The following TNS1 variants were observed in gnomAD, a reference collection of about 807,000 sequenced individuals.
TNS1 encodes tensin-1.
Under a neutral mutation model 168.6 loss-of-function variants are expected in TNS1, and 62 were observed. That is an observed-to-expected ratio of 0.37 (90% CI 0.30 to 0.45). TNS1 has a LOEUF of 0.45. Ranked by LOEUF, TNS1 falls within the 20% of genes least tolerant of loss-of-function variation. TNS1 has a pLI of 1.00. For synonymous variants in TNS1, 934 were observed against 933.2 expected (o/e 1.00, Z -0.02); for missense variants, 2,240 against 2,339.4 (o/e 0.96, Z 0.88).
chr2:218,020,325 C>A (rs1248698810), intron 1 of TNS1, among the ~76,000 whole-genome samples: 1 of 152,052 alleles, frequency 6.6e-6, no homozygotes, highest in African/African-American at 2.4e-5. Context: ...AAGGAAAGGG[C>A]CAACTCCTGG....
At chr2:217,980,833 G>A (rs1414132310) in intron 2 of TNS1, among the ~76,000 whole-genome samples, 1 of 152,032 alleles carries the variant, frequency 6.6e-6, no homozygotes, top group Non-Finnish European at 1.5e-5. Flanking sequence ...CTTGGCACTT[G>A]CTGTGTCAGC....
chr2:217,909,031 C>A (rs1189743880), intron 4 of TNS1, among the ~76,000 whole-genome samples: 2 of 152,022 alleles, frequency 1.3e-5, no homozygotes, highest in East Asian at 3.9e-4. Flanking sequence ...CTTATTAGGA[C>A]CAGGTGCTCC....
intron 1 of TNS1, among the ~76,000 whole-genome samples, chr2:218,020,899 G>A (rs537971950): frequency 1.5e-4 from 23 of 152,270 alleles, no homozygotes; most frequent in African/African-American, 5.3e-4. Context: ...AAGGCAATTC[G>A]GACGAAGCAA....
chr2:217,831,499 A>C lies in TNS1; in HGVS notation c.3329T>G (p.Leu1110Arg). The change falls in exon 22 of 33, where the codon CTG becomes CGG. Residue 1110 changes from leucine (L) to arginine (R), a missense_variant. Physicochemically the swap from Leu to Arg is moderately radical, Grantham distance 102 (BLOSUM62 -2). This residue lies in a region of TNS1 where 2,131 missense variants were observed against 2,171.2 expected (regional missense o/e 0.98). Transcript: ENST00000682258. ...LAKTPLSALGLKPHNPADILL... is the reference protein window; with the variant it reads ...LAKTPLSALGRKPHNPADILL... ...GATGTCCGCTGGGTTGTGAGGTTTC[A>C]GGCCCAGAGCAGACAGGGGTGTCTT... The C allele has an allele frequency of 6.3e-7, 1 of 1,581,524 alleles. No individual in the cohort carries two copies. The highest frequency in any genetic ancestry group is 8.6e-7 in the Non-Finnish European group (1 of 1,165,526).
intron 18 of TNS1, among the ~76,000 whole-genome samples, chr2:217,868,459 C>A (rs1057259044): frequency 6.6e-6 from 1 of 152,170 alleles, no homozygotes; most frequent in Non-Finnish European, 1.5e-5. Context: ...CAGCCAGAGG[C>A]CTTGGTTCAA....
chr2:217,953,710 G>A lies in TNS1; in HGVS notation c.186+25055C>T, dbSNP rs115059943. Among the ~76,000 whole-genome samples, 1,212 of 152,284 alleles carry A rather than the reference G, an allele frequency of 8.0e-3. 10 individuals are homozygous for A. The highest frequency in any genetic ancestry group is 0.027 in the African/African-American group (1,116 of 41,558). ...GCCCTGGGTCAGCTACACTAGGGGA[G>A]CCACAGGGTGGCCTAGGAGGACCGA... On this transcript the variant is annotated intron_variant, in intron 3 of 32. Coordinates refer to ENST00000682258, the MANE Select transcript of TNS1 (RefSeq NM_001387777.1).
At position 217,897,898 on chromosome 2, in the gene TNS1, A is replaced by G; in HGVS notation, c.443T>C (p.Ile148Thr). 6.2e-7 allele frequency: 1 copy of G among 1,613,690 alleles called. No homozygotes were observed. Among genetic ancestry groups the G allele is most frequent in the Non-Finnish European group, 8.5e-7 (1 of 1,179,790 alleles). Reference protein sequence around the residue: ...LDLVYVTERIIAVSFPSTANE... With the variant: ...LDLVYVTERITAVSFPSTANE... ...GGCTGTGCTGGGGAAGGAGACAGCGATGATCCTCTCTGTGACGTACACCAG... is the reference window on the plus strand; with the variant it reads ...GGCTGTGCTGGGGAAGGAGACAGCGGTGATCCTCTCTGTGACGTACACCAG... Residue 148 changes from isoleucine (I) to threonine (T), a missense_variant, in exon 8 of 33, where the codon ATC becomes ACC. Transcript: ENST00000682258.
intron 32 of TNS1, among the ~76,000 whole-genome samples, chr2:217,805,764 ACAC>A (rs1433430972): frequency 1.9e-4 from 29 of 149,936 alleles, no homozygotes; most frequent in Middle Eastern, 3.4e-3. Context: ...TACACACCAC[ACAC>A]CACCACACAC....
At position 217,984,209 on chromosome 2, in the gene TNS1, A is replaced by G. The variant is rs542371422; in HGVS notation, c.149-5407T>C. ...AATAAATCTCTTTTTTTCTACACAC[A>G]TCCTGTTGGTTCTGTTTCTGCAGAG... On this transcript the variant is annotated intron_variant, in intron 2 of 32. Transcript: ENST00000682258. Among the ~76,000 whole-genome samples, 255 of 152,184 alleles carry G rather than the reference A, an allele frequency of 1.7e-3. 2 individuals carry two copies. Among genetic ancestry groups the G allele is most frequent in the Non-Finnish European group, 2.4e-3 (164 of 67,998 alleles).
intron 19 of TNS1, among the ~76,000 whole-genome samples, chr2:217,842,947 C>G (rs192646512): frequency 3.1e-4 from 47 of 152,290 alleles, no homozygotes; most frequent in Non-Finnish European, 3.4e-4. Flanking sequence ...CACGTATCAC[C>G]TATCTGACAT....
At chr2:217,930,800 G>C (rs991587684) in intron 3 of TNS1, among the ~76,000 whole-genome samples, 2 of 152,202 alleles carry the variant, frequency 1.3e-5, no homozygotes, top group South Asian at 2.1e-4. Flanking sequence ...TGGAATGCAG[G>C]CTTCAGAGTC....
chr2:217,827,423 A>G (rs1943773979), intron 22 of TNS1, among the ~76,000 whole-genome samples: 1 of 152,160 alleles, frequency 6.6e-6, no homozygotes, highest in Admixed American at 6.5e-5. Flanking sequence ...TCAGCAAAGA[A>G]TGAGCTTTAG....
At position 217,848,464 on chromosome 2, in the gene TNS1, G is replaced by A. The variant is rs372897397; in HGVS notation, c.2053C>T (p.Pro685Ser). 3 of 1,613,040 alleles carry A rather than the reference G, an allele frequency of 1.9e-6. No homozygotes were observed. The highest frequency in any genetic ancestry group is 2.5e-6 in the Non-Finnish European group (3 of 1,179,394). Residue 685 changes from proline to serine, a missense_variant, in exon 19 of 33, where the codon CCC becomes TCC. Transcript: ENST00000682258. ...CCCGCCCGGCTGGCAGACTCGTAGG[G>A]GTAGCCTCCTCCATTGACCATAGGC... ...MEPMVNGGGY[P>S]YESASRAGPA...
At chr2:217,964,174 C>T (rs1957567704) in intron 3 of TNS1, among the ~76,000 whole-genome samples, 1 of 152,210 alleles carries the variant, frequency 6.6e-6, no homozygotes, top group African/African-American at 2.4e-5. Context: ...AGCCTCTGTC[C>T]TCAGACTTTA....
chr2:217,886,970 G>C (rs957269336), intron 12 of TNS1, among the ~76,000 whole-genome samples: 3 of 152,010 alleles, frequency 2.0e-5, no homozygotes, highest in African/African-American at 7.3e-5. Flanking sequence ...TCTCCTGCTG[G>C]ACCAAAATTT....
chr2:217,808,180 A>T, intron 31 of TNS1, 73 bp from the exon 32 acceptor site: 1 of 1,569,682 alleles, frequency 6.4e-7, no homozygotes, highest in African/African-American at 1.4e-5. Context: ...CCATGCCCAG[A>T]CCCTCTGCAG....
chr2:217,819,658 G>GT (rs1053902309), intron 23 of TNS1, among the ~76,000 whole-genome samples: 5 of 152,322 alleles, frequency 3.3e-5, no homozygotes, highest in East Asian at 1.9e-4. Context: ...TGGCCAGTGA[G>GT]TTTTTTTGCT....
chr2:217,846,000 A>C (rs1559591), intron 19 of TNS1, among the ~76,000 whole-genome samples: 60,504 of 151,544 alleles, frequency 0.4, 12,990 homozygotes, highest in African/African-American at 0.58. Context: ...CATCCCTCTC[A>C]CCTCAAAAAA....
intron 18 of TNS1, among the ~76,000 whole-genome samples, chr2:217,866,468 C>T (rs1949284146): frequency 6.6e-6 from 1 of 152,158 alleles, no homozygotes; most frequent in Admixed American, 6.5e-5. Flanking sequence ...GCTATTTCTG[C>T]AGCAGCCATG....
Sources: allele counts gnomAD v4.1 joint callset (sites outside exome capture counted in the v4.1 genomes callset), GRCh38; gene constraint gnomAD v4.1.1; regional missense constraint gnomAD v4.1.1; transcripts MANE v1.5; gene names NCBI Gene and HGNC (gene_info 2026-07-23, HGNC 2026-07-21).